Variants in RGS6 observed in about 807,000 individuals in gnomAD.
The protein encoded by RGS6 is regulator of G protein signaling 6.
In RGS6, 30 loss-of-function variants were observed where a neutral mutation model predicts 78.5. The ratio of observed to expected loss-of-function variants is 0.38; its 90% CI spans 0.29 to 0.52. The LOEUF (loss-of-function observed/expected upper bound fraction) is 0.52. RGS6 is among the 20% of genes least tolerant of loss of function. The probability of loss-of-function intolerance (pLI) is 0.85; values close to 1 mark genes in which losing one functional copy is unlikely to be tolerated. For synonymous variants in RGS6, 206 were observed against 206.0 expected, an observed-to-expected ratio of 1.00 and a Z score of 0.00; for missense variants, 495 against 609.7, an observed-to-expected ratio of 0.81 and a Z score of 1.98.
chr14:72,253,658 G>C (rs1462552846), intron 2 of RGS6, among the ~76,000 whole-genome samples: 2 of 152,210 alleles, frequency 1.3e-5, no homozygotes, highest in East Asian at 3.9e-4. Flanking sequence ...GATGTGGCCA[G>C]TGAAGTTGGG....
chr14:72,103,799 A>G (rs890322921), intron 2 of RGS6, among the ~76,000 whole-genome samples: 1 of 152,184 alleles, frequency 6.6e-6, no homozygotes, highest in Non-Finnish European at 1.5e-5. Flanking sequence ...CACTTCCACC[A>G]TGTTCCATTG....
chr14:72,483,543 G>A (rs144987411), intron 12 of RGS6, among the ~76,000 whole-genome samples: 1 of 151,990 alleles, frequency 6.6e-6, no homozygotes, highest in African/African-American at 2.4e-5. Flanking sequence ...TACCCCTAAG[G>A]GTCTATTAAA....
intron 2 of RGS6, among the ~76,000 whole-genome samples, chr14:72,133,013 C>T (rs932359160): frequency 2.6e-5 from 4 of 152,130 alleles, no homozygotes; most frequent in South Asian, 2.1e-4. Flanking sequence ...TTCTTTACAA[C>T]GTGATTGAAT....
chr14:72,112,931 T>G (rs1049463434), intron 2 of RGS6, among the ~76,000 whole-genome samples: 1 of 152,216 alleles, frequency 6.6e-6, no homozygotes, highest in African/African-American at 2.4e-5. Context: ...AAATATAAAG[T>G]TCATTCCCCT....
At chr14:72,168,282 T>G (rs2096957291) in intron 2 of RGS6, among the ~76,000 whole-genome samples, 1 of 151,768 alleles carries the variant, frequency 6.6e-6, no homozygotes, top group African/African-American at 2.4e-5. Flanking sequence ...AAACAGATGG[T>G]CCCCCACAGG....
At chr14:72,326,039 G>A (rs1490847333) in intron 2 of RGS6, among the ~76,000 whole-genome samples, 1 of 152,170 alleles carries the variant, frequency 6.6e-6, no homozygotes, top group Non-Finnish European at 1.5e-5. Context: ...TCACTTCTAG[G>A]AATTCCTCCT....
chr14:72,555,576 C>T (rs567253693), intron 17 of RGS6, among the ~76,000 whole-genome samples: 3 of 152,318 alleles, frequency 2.0e-5, no homozygotes, highest in Admixed American at 1.3e-4. Context: ...CTCCTTCATC[C>T]CTGAGTGTTT....
chr14:72,546,592 G>C (rs1410320635), intron 17 of RGS6, among the ~76,000 whole-genome samples: 2 of 152,162 alleles, frequency 1.3e-5, no homozygotes, highest in African/African-American at 4.8e-5. Flanking sequence ...AAACCCCACT[G>C]GTGACTCACC....
At chr14:72,579,979 G>A in the RGS6 span, among the ~76,000 whole-genome samples, 1 of 152,176 alleles carries the variant, frequency 6.6e-6, no homozygotes, top group South Asian at 2.1e-4. Context: ...GCAACCCAGG[G>A]GGAATAATAT....
At chr14:72,585,036 A>G in the RGS6 span, among the ~76,000 whole-genome samples, 1 of 148,190 alleles carries the variant, frequency 6.7e-6, no homozygotes, top group East Asian at 2.0e-4. Context: ...AGACCCAAGC[A>G]TTATGTCGTC....
In RGS6 at chr14:71,981,238, G is replaced by A. The variant is rs566912921; in HGVS notation, c.84+16363G>A. On this transcript the variant is annotated intron_variant, in intron 2 of 17. Coordinates refer to ENST00000553525, the MANE Select transcript of RGS6 (RefSeq NM_001204424.2). ...TCCCGTAGCTCAGAGTAATTTGATC[G>A]TCTGAAGCCTTCTTCTCTCAGCTCA... is the stretch of plus-strand genomic sequence containing the variant. Among the ~76,000 whole-genome samples the A allele has an allele frequency of 1.2e-4, 18 of 150,556 alleles. No homozygotes were observed. In the South Asian group the frequency reaches 2.3e-3, roughly 19 times the overall value.
In RGS6 at chr14:71,964,776, A is replaced by T; in HGVS notation, c.-16A>T. ...TTTATTCATTTATTTTTGCAGTGTG[A>T]GTGAAGACACTCAGGATGGCTCAAG... is the stretch of plus-strand genomic sequence containing the variant. On this transcript the variant is annotated 5_prime_UTR_variant, in exon 2 of 18. Transcript: ENST00000553525. 6.2e-7 allele frequency: 1 copy of T among 1,603,972 alleles called. No homozygotes were observed. The highest frequency in any genetic ancestry group is 8.5e-7 in the Non-Finnish European group (1 of 1,174,154).
chr14:72,427,341 C>T (rs1412356296), intron 3 of RGS6, among the ~76,000 whole-genome samples: 1 of 152,092 alleles, frequency 6.6e-6, no homozygotes, highest in Non-Finnish European at 1.5e-5. Context: ...ATAGAAAAAA[C>T]ATAGTATATG....
At chr14:72,144,713 A>G (rs141426188) in intron 2 of RGS6, among the ~76,000 whole-genome samples, 1 of 152,068 alleles carries the variant, frequency 6.6e-6, no homozygotes, top group African/African-American at 2.4e-5. Context: ...GCTCTTCTAC[A>G]GTTGAGTCTG....
chr14:72,241,403 A>G (rs1467976196), intron 2 of RGS6, among the ~76,000 whole-genome samples: 1 of 152,186 alleles, frequency 6.6e-6, no homozygotes, highest in Non-Finnish European at 1.5e-5. Flanking sequence ...AAATGGGTTC[A>G]TAGGTAATTA....
chr14:72,443,749 G>A lies in RGS6; in HGVS notation c.185-10779G>A, dbSNP rs544934843. On this transcript the variant is annotated intron_variant, in intron 3 of 17. Transcript: ENST00000553525. ...CCCAGAAATATGCTCAGCTGCCCTC[G>A]AAACATCTGTCATGCTCTCTGGTGG... 6.7e-4 allele frequency among the ~76,000 whole-genome samples: 102 copies of A among 152,280 alleles called. 1 individual carries two copies. Among genetic ancestry groups the A allele is most frequent in the Middle Eastern group, 3.4e-3 (1 of 294 alleles).
At chr14:72,588,152 C>T in the RGS6 span, among the ~76,000 whole-genome samples, 1 of 152,100 alleles carries the variant, frequency 6.6e-6, no homozygotes, top group African/African-American at 2.4e-5. Flanking sequence ...AATATTGGGA[C>T]GAGCTCTCAT....
At chr14:72,006,551 C>T (rs375447966) in intron 2 of RGS6, among the ~76,000 whole-genome samples, 29 of 152,262 alleles carry the variant, frequency 1.9e-4, no homozygotes, top group East Asian at 1.5e-3. Flanking sequence ...GGAAGCTGGC[C>T]ACACACATGT....
chr14:72,008,497 A>C (rs2085017702), intron 2 of RGS6, among the ~76,000 whole-genome samples: 1 of 140,050 alleles, frequency 7.1e-6, no homozygotes, highest in African/African-American at 2.5e-5. Context: ...CAGAGTTGTT[A>C]ATCCCCTCCC....
Sources: allele counts gnomAD v4.1 joint callset (sites outside exome capture counted in the v4.1 genomes callset), GRCh38; gene constraint gnomAD v4.1.1; transcripts MANE v1.5; gene names NCBI Gene and HGNC (gene_info 2026-07-23, HGNC 2026-07-21).